The following PCDHA8 variants were observed in gnomAD, a reference collection of about 807,000 sequenced individuals.
PCDHA8 encodes the protein protocadherin alpha 8.
A neutral mutation model predicts 61.8 loss-of-function variants in PCDHA8; 53 were observed. The ratio of observed to expected loss-of-function variants is 0.86; its 90% CI spans 0.69 to 1.08. The LOEUF (loss-of-function observed/expected upper bound fraction) is 1.08, where lower values mean the gene tolerates loss of function less well. Ranked by LOEUF, PCDHA8 falls within the 50% of genes least tolerant of loss-of-function variation. The probability of loss-of-function intolerance (pLI) is 0.00; values close to 1 mark genes in which losing one functional copy is unlikely to be tolerated. For synonymous variants in PCDHA8, 618 were observed against 556.6 expected, an observed-to-expected ratio of 1.11 and a Z score of -1.55; for missense variants, 1,293 against 1,245.0, an observed-to-expected ratio of 1.04 and a Z score of -0.58.
chr5:140,877,276 G>C, intron 1 of PCDHA8: 2 of 1,613,862 alleles, frequency 1.2e-6, no homozygotes, highest in Non-Finnish European at 1.7e-6. Flanking sequence ...CGCTGACTCC[G>C]GCTATAACGC....
At chr5:140,893,409 T>C (rs2153442529) in intron 1 of PCDHA8, among the ~76,000 whole-genome samples, 1 of 152,154 alleles carries the variant, frequency 6.6e-6, no homozygotes, top group South Asian at 2.1e-4. Context: ...TCCCAGCACT[T>C]AGGGAGGCAG....
intron 1 of PCDHA8, among the ~76,000 whole-genome samples, chr5:140,890,939 G>A (rs1236920048): frequency 6.6e-6 from 1 of 152,106 alleles, no homozygotes; most frequent in Admixed American, 6.6e-5. Flanking sequence ...GTCCAAAGAT[G>A]CTGGTGAGGA....
intron 3 of PCDHA8, among the ~76,000 whole-genome samples, chr5:140,985,909 T>C (rs1421545707): frequency 6.6e-6 from 1 of 151,912 alleles, no homozygotes; most frequent in Non-Finnish European, 1.5e-5. Flanking sequence ...CCGTCTAATT[T>C]TTTGTATTTT....
At chr5:140,928,890 CTT>C in intron 1 of PCDHA8, 1 of 1,614,182 alleles carries the variant, frequency 6.2e-7, no homozygotes, top group South Asian at 1.1e-5. Context: ...TACTTCCAGA[CTT>C]TGAAGATGTC....
intron 1 of PCDHA8, among the ~76,000 whole-genome samples, chr5:140,964,205 T>C (rs1483183685): frequency 6.6e-6 from 1 of 152,212 alleles, no homozygotes; most frequent in Admixed American, 6.5e-5. Context: ...TACCATCTCT[T>C]TAGTACAATG....
intron 1 of PCDHA8, chr5:140,968,724 G>C: frequency 6.2e-7 from 1 of 1,614,090 alleles, no homozygotes; most frequent in Non-Finnish European, 8.5e-7. Context: ...GATGAGAGTG[G>C]TAGCACTTTC....
At chr5:140,855,984 A>G in intron 1 of PCDHA8, 1 of 1,472,240 alleles carries the variant, frequency 6.8e-7, no homozygotes, top group East Asian at 2.3e-5. Flanking sequence ...AGGACAGAAA[A>G]TGTCAGATCG....
intron 3 of PCDHA8, among the ~76,000 whole-genome samples, chr5:140,987,959 C>T (rs1222591572): frequency 1.3e-5 from 2 of 152,132 alleles, no homozygotes; most frequent in South Asian, 2.1e-4. Context: ...AAACCAACTC[C>T]CCATGGAAAG....
intron 1 of PCDHA8, among the ~76,000 whole-genome samples, chr5:140,972,921 C>A (rs2096564401): frequency 6.6e-6 from 1 of 152,090 alleles, no homozygotes; most frequent in Non-Finnish European, 1.5e-5. Context: ...CTTGGCCTCC[C>A]AAAGTGCTGG....
rs2150313655 is a variant in PCDHA8, at chr5:140,841,330, T to C, written c.9T>C (p.Tyr3=). ...GGAAACGACTATTTAACATGGATTA[T>C]CACTGGCGAGGAGAGCTGGGATCCT... MD[Y]HWRGELGSWR... is the part of the protein sequence containing the mutation. The change falls in exon 1 of 4, where the codon TAT becomes TAC. Residue 3 remains tyrosine, a synonymous_variant. Coordinates refer to ENST00000531613, the MANE Select transcript of PCDHA8 (RefSeq NM_018911.3). The C allele has an allele frequency of 9.3e-6, 15 of 1,609,434 alleles. No individual in the cohort carries two copies. The highest frequency in any genetic ancestry group is 1.1e-5 in the Non-Finnish European group (13 of 1,177,306).
rs2150323482 is a variant in PCDHA8 at position 140,841,819 on chromosome 5, C to A, written c.498C>A (p.Ser166=). Reference sequence around the variant, plus strand: ...CCGATGCAGATGTTGGAGCTAACTCCGTGTTAACCTACAGGCTTAGCTCTC... The same window carrying A: ...CCGATGCAGATGTTGGAGCTAACTCAGTGTTAACCTACAGGCTTAGCTCTC... ...GASDADVGAN[S]VLTYRLSSHD... The change falls in exon 1 of 4, where the codon TCC becomes TCA. Residue 166 remains serine, a synonymous_variant. Transcript: ENST00000531613. The A allele has an allele frequency of 3.1e-6, 5 of 1,613,874 alleles. No individual in the cohort carries two copies. The South Asian group carries it at 5.5e-5, about 18-fold the overall frequency.
chr5:140,960,993 A>G (rs1053601284), intron 1 of PCDHA8, among the ~76,000 whole-genome samples: 1 of 152,140 alleles, frequency 6.6e-6, no homozygotes, highest in Non-Finnish European at 1.5e-5. Context: ...AAAATGCTCA[A>G]TTTGCTGCTG....
At chr5:140,851,590 A>T in intron 1 of PCDHA8, 1 of 918,156 alleles carries the variant, frequency 1.1e-6, no homozygotes, top group Non-Finnish European at 1.3e-6. Flanking sequence ...ATTTTTTGAA[A>T]TTCAGTTTAC....
chr5:140,869,072 G>T, intron 1 of PCDHA8: 4 of 1,574,396 alleles, frequency 2.5e-6, no homozygotes, highest in Non-Finnish European at 2.6e-6. Flanking sequence ...TAAGTGTAAA[G>T]AAGCTTATTT....
intron 1 of PCDHA8, among the ~76,000 whole-genome samples, chr5:140,898,580 T>G (rs541428438): frequency 2.9e-4 from 44 of 152,370 alleles, no homozygotes; most frequent in African/African-American, 1.0e-3. Flanking sequence ...CCATGCTGTT[T>G]TGGTTACTGT....
At chr5:140,857,787 T>C in intron 1 of PCDHA8, 1 of 1,597,564 alleles carries the variant, frequency 6.3e-7, no homozygotes, top group Non-Finnish European at 8.6e-7. Flanking sequence ...AGTGAGCTGG[T>C]GCTGCGGTCG....
chr5:140,897,052 C>G (rs2065858358), intron 1 of PCDHA8, among the ~76,000 whole-genome samples: 1 of 152,114 alleles, frequency 6.6e-6, no homozygotes, highest in Non-Finnish European at 1.5e-5. Context: ...ATTCTGCTGT[C>G]AAATACTATG....
At chr5:140,851,193 G>GT in intron 1 of PCDHA8, 4 of 1,214,324 alleles carry the variant, frequency 3.3e-6, no homozygotes, top group Non-Finnish European at 4.2e-6. Context: ...CAATTTAGTT[G>GT]TTAGTCATTC....
In PCDHA8 at chr5:140,849,535, C is replaced by T. The variant is rs2150439874; in HGVS notation, c.2394+5820C>T. On this transcript the variant is annotated intron_variant, in intron 1 of 3. Transcript: ENST00000531613. ...GAAGTTGTGGATGTAAATGACAATG[C>T]TCCACAGTTGACTATCAAAACGCTC... 25 of 1,597,860 alleles carry T rather than the reference C, an allele frequency of 1.6e-5. 1 individual carries two copies. In the East Asian group the frequency reaches 4.7e-4, roughly 30 times the overall value.
Sources: gnomAD v4.1 joint callset for allele counts (sites outside exome capture counted in the v4.1 genomes callset) on GRCh38, gnomAD v4.1.1 for gene constraint, MANE v1.5 for transcripts, NCBI Gene and HGNC (gene_info 2026-07-23, HGNC 2026-07-21) for gene names.